ATF6: variants seen among roughly 807,000 people sequenced by gnomAD.
The protein encoded by ATF6 is cyclic AMP-dependent transcription factor ATF-6 alpha.
In ATF6, 53 loss-of-function variants were observed where a neutral mutation model predicts 83.6. That is an observed-to-expected ratio of 0.63 (90% confidence interval 0.51 to 0.80). The LOEUF is 0.80. Ranked by LOEUF, ATF6 falls within the 30% of genes least tolerant of loss-of-function variation. The pLI is 0.00. For synonymous variants in ATF6, 288 were observed against 285.8 expected (o/e 1.01, Z -0.08); for missense variants, 744 against 797.9 (o/e 0.93, Z 0.81).
intron 14 of ATF6, among the ~76,000 whole-genome samples, chr1:161,894,300 A>G (rs2101872976): frequency 6.6e-6 from 1 of 151,352 alleles, no homozygotes; most frequent in South Asian, 2.1e-4. Context: ...TTTAAATTCT[A>G]AAACTAAAAC....
At chr1:161,799,707 A>G (rs1049140023) in intron 6 of ATF6, among the ~76,000 whole-genome samples, 5 of 152,188 alleles carry the variant, frequency 3.3e-5, no homozygotes, top group African/African-American at 1.2e-4. Flanking sequence ...TTATTTTTAG[A>G]TCTTCTTATC....
chr1:161,823,434 G>A (rs1255770727), intron 9 of ATF6, among the ~76,000 whole-genome samples: 1 of 151,838 alleles, frequency 6.6e-6, no homozygotes, highest in Non-Finnish European at 1.5e-5. Context: ...ATTTCCTTTT[G>A]TTGCAATCCA....
chr1:161,780,652 C>A (rs926149962), intron 2 of ATF6, among the ~76,000 whole-genome samples: 13 of 152,068 alleles, frequency 8.5e-5, no homozygotes, highest in African/African-American at 2.7e-4. Flanking sequence ...GGATTACAGG[C>A]GTGAGCCACT....
intron 6 of ATF6, 52 bp downstream of exon 6, chr1:161,792,379 G>C: frequency 6.6e-7 from 1 of 1,510,048 alleles, no homozygotes; most frequent in South Asian, 1.2e-5. Flanking sequence ...GGCAGTAAGG[G>C]TTGTGTCATA....
intron 15 of ATF6, among the ~76,000 whole-genome samples, chr1:161,957,653 A>T (rs146489380): frequency 9.9e-5 from 15 of 152,142 alleles, no homozygotes; most frequent in African/African-American, 3.6e-4. Context: ...GAGTTGCCCC[A>T]TATGTAGAAA....
At position 161,853,258 on chromosome 1, in the gene ATF6, C is replaced by T; in HGVS notation, c.1468C>T (p.His490Tyr). The change falls in exon 12 of 16, where the codon CAT (histidine) becomes TAT (tyrosine). Residue 490 changes from histidine to tyrosine, a missense_variant. Transcript: ENST00000367942. ...TGAACTTCGAGGATGGGTTCATAGA[C>T]ATGAAGTAGAAAGGACCAAGTCAAG... ...NHELRGWVHR[H>Y]EVERTKSRRM... The T allele has an allele frequency of 5.0e-6, 8 of 1,613,320 alleles. No homozygotes were observed. Among genetic ancestry groups the T allele is most frequent in the Non-Finnish European group, 6.8e-6 (8 of 1,179,298 alleles).
chr1:161,796,922 G>GT lies in ATF6; in HGVS notation c.688+4595_688+4596insT, dbSNP rs371186436. Among the ~76,000 whole-genome samples, 1,425 of 146,226 alleles carry GT rather than the reference G, an allele frequency of 9.7e-3. 25 individuals carry two copies. The highest frequency in any genetic ancestry group is 0.034 in the African/African-American group (1,360 of 40,080). The stretch of plus-strand genomic sequence containing the variant: ...GAGCACTTGGGAATTCTTGTTTTTT[G>GT]GTTTTTTTTTTCACATTATGATAAA... On this transcript the variant is annotated intron_variant, in intron 6 of 15. Transcript: ENST00000367942.
intron 15 of ATF6, among the ~76,000 whole-genome samples, chr1:161,942,400 C>G (rs931232729): frequency 1.7e-4 from 26 of 152,326 alleles, no homozygotes; most frequent in Non-Finnish European, 2.2e-4. Flanking sequence ...TGACACCTTT[C>G]AGTTGTTGCT....
intron 15 of ATF6, among the ~76,000 whole-genome samples, chr1:161,932,910 C>T (rs1688462648): frequency 6.6e-6 from 1 of 152,190 alleles, no homozygotes; most frequent in Admixed American, 6.5e-5. Flanking sequence ...CAGAGTTCTC[C>T]CTCAGTTCCT....
At chr1:161,861,053 G>T (rs187191717) in intron 13 of ATF6, among the ~76,000 whole-genome samples, 1 of 152,264 alleles carries the variant, frequency 6.6e-6, no homozygotes. Context: ...AATGCTGGCT[G>T]CACAGAGTTG....
intron 1 of ATF6, among the ~76,000 whole-genome samples, chr1:161,776,194 A>G (rs945177455): frequency 1.3e-5 from 2 of 152,308 alleles, no homozygotes. Flanking sequence ...ATTATTTTAG[A>G]TATATTCAAC....
rs187279859 is a variant in ATF6 at position 161,902,149 on chromosome 1, C to T, written c.1720-10147C>T. On this transcript the variant is annotated intron_variant, in intron 14 of 15. Coordinates refer to ENST00000367942, the MANE Select transcript of ATF6 (RefSeq NM_007348.4). ...AGGCTTACTGCATTTTTAAAAAGTG[C>T]TTAATGGGTTACCCTTGCCTGAATA... 4.3e-4 allele frequency among the ~76,000 whole-genome samples: 65 copies of T among 152,224 alleles called. 1 individual carries two copies. The highest frequency in any genetic ancestry group is 3.4e-3 in the Middle Eastern group (1 of 294).
intron 14 of ATF6, among the ~76,000 whole-genome samples, chr1:161,897,791 G>C (rs746520089): frequency 1.3e-5 from 2 of 152,186 alleles, no homozygotes; most frequent in Non-Finnish European, 2.9e-5. Flanking sequence ...CTTACGTGTT[G>C]AGTGATAATA....
intron 15 of ATF6, among the ~76,000 whole-genome samples, chr1:161,930,183 AT>A (rs1351450507): frequency 6.6e-6 from 1 of 152,216 alleles, no homozygotes; most frequent in Non-Finnish European, 1.5e-5. Context: ...TTATGAGCTT[AT>A]TTTTTGATGA....
chr1:161,916,846 G>A (rs182646640), intron 15 of ATF6, among the ~76,000 whole-genome samples: 35 of 152,286 alleles, frequency 2.3e-4, no homozygotes, highest in African/African-American at 6.5e-4. Context: ...TTTCAATCAA[G>A]ATATAAATGT....
At chr1:161,887,103 G>A (rs778415297) in intron 14 of ATF6, among the ~76,000 whole-genome samples, 61 of 151,044 alleles carry the variant, frequency 4.0e-4, no homozygotes, top group Non-Finnish European at 7.5e-4. Flanking sequence ...AGGGAGTCTC[G>A]CTTTGTCACC....
At chr1:161,914,849 G>A (rs1371979591) in intron 15 of ATF6, among the ~76,000 whole-genome samples, 1 of 151,966 alleles carries the variant, frequency 6.6e-6, no homozygotes, top group Non-Finnish European at 1.5e-5. Flanking sequence ...CCACTTTCTT[G>A]GAAAAACTGC....
At chr1:161,917,621 C>T (rs1159867049) in intron 15 of ATF6, among the ~76,000 whole-genome samples, 3 of 152,204 alleles carry the variant, frequency 2.0e-5, no homozygotes, top group South Asian at 2.1e-4. Context: ...AGGGTTTCAC[C>T]GTGTTAGCCA....
Position 161,821,087 on chromosome 1 carries a change from C to G in ATF6, c.1113C>G (p.Val371=), listed in dbSNP as rs1406801905. The change falls in exon 9 of 16, where the codon GTC becomes GTG. Residue 371 remains valine (V), a synonymous_variant. Transcript: ENST00000367942. ...TCCTTTAGAACCAGAGGCTTAAAGTCCCTAGTCCAAAGCGAAGAGTTGTCT... is the reference window on the plus strand; with the variant it reads ...TCCTTTAGAACCAGAGGCTTAAAGTGCCTAGTCCAAAGCGAAGAGTTGTCT... The part of the protein sequence containing the change: ...EVVSENQRLK[V]PSPKRRVVCV... The G allele has an allele frequency of 3.1e-6, 5 of 1,611,996 alleles. 1 individual carries two copies. The Admixed American group carries it at 5.0e-5, about 16-fold the overall frequency.
Sources: allele counts gnomAD v4.1 joint callset (sites outside exome capture counted in the v4.1 genomes callset), GRCh38; gene constraint gnomAD v4.1.1; transcripts MANE v1.5; gene names NCBI Gene and HGNC (gene_info 2026-07-23, HGNC 2026-07-21).